The following MYO16 variants were observed in gnomAD, a reference collection of about 807,000 sequenced individuals.
MYO16 encodes the protein unconventional myosin-XVI.
A neutral mutation model predicts 205.3 loss-of-function variants in MYO16; 94 were observed. The ratio of observed to expected loss-of-function variants is 0.46; its 90% CI spans 0.39 to 0.54. The LOEUF is 0.54. Ranked by LOEUF, MYO16 falls within the 20% of genes least tolerant of loss-of-function variation. The pLI, the probability that MYO16 is intolerant of heterozygous loss-of-function variation, is 0.00. For synonymous variants in MYO16, 988 were observed against 954.0 expected (o/e 1.04, Z -0.66); for missense variants, 2,315 against 2,387.5 (o/e 0.97, Z 0.63).
intron 1 of MYO16, among the ~76,000 whole-genome samples, chr13:108,604,898 G>T (rs897878855): frequency 2.6e-5 from 4 of 152,154 alleles, no homozygotes; most frequent in Admixed American, 6.5e-5. Context: ...TAAATGGCTG[G>T]ATGCATAGTT....
chr13:108,903,355 A>T (rs1030008274), intron 15 of MYO16, among the ~76,000 whole-genome samples: 3 of 144,958 alleles, frequency 2.1e-5, no homozygotes, highest in South Asian at 2.3e-4. Flanking sequence ...TAGGAAAAAC[A>T]TCATGTATAC....
intron 23 of MYO16, among the ~76,000 whole-genome samples, chr13:109,030,494 A>G (rs1886514518): frequency 6.6e-6 from 1 of 152,224 alleles, no homozygotes; most frequent in African/African-American, 2.4e-5. Context: ...GGTTTAATTA[A>G]AAATTTAATT....
At chr13:109,192,008 G>T (rs552117195) in intron 34 of MYO16, among the ~76,000 whole-genome samples, 2 of 152,148 alleles carry the variant, frequency 1.3e-5, no homozygotes, top group South Asian at 2.1e-4. Flanking sequence ...TTTTGAAAGC[G>T]AAATTCAGGC....
intron 2 of MYO16, among the ~76,000 whole-genome samples, chr13:108,693,495 C>A (rs965114659): frequency 6.6e-6 from 1 of 152,124 alleles, no homozygotes; most frequent in Admixed American, 6.5e-5. Context: ...CATATATAAC[C>A]TTTGTATCTG....
intron 1 of MYO16, among the ~76,000 whole-genome samples, chr13:108,647,320 A>G (rs1319618248): frequency 2.0e-5 from 3 of 152,062 alleles, no homozygotes; most frequent in Non-Finnish European, 4.4e-5. Context: ...GCTCCCTACC[A>G]TGTCTCTCTA....
chr13:108,823,824 A>G (rs548867910), intron 9 of MYO16, among the ~76,000 whole-genome samples: 1 of 152,258 alleles, frequency 6.6e-6, no homozygotes, highest in Non-Finnish European at 1.5e-5. Context: ...ACTGAAGAAT[A>G]AGTGTTCATT....
intron 1 of MYO16, among the ~76,000 whole-genome samples, chr13:108,655,564 T>C (rs1443547348): frequency 6.6e-6 from 1 of 152,104 alleles, no homozygotes; most frequent in African/African-American, 2.4e-5. Flanking sequence ...AGTGGAGCTT[T>C]GGGAAGAGAG....
chr13:108,655,355 C>T (rs1881195740), intron 1 of MYO16, among the ~76,000 whole-genome samples: 1 of 152,186 alleles, frequency 6.6e-6, no homozygotes, highest in South Asian at 2.1e-4. Context: ...TGGCAGCTTC[C>T]ACATGATGTT....
At chr13:109,089,273 G>A (rs1203919229) in intron 27 of MYO16, among the ~76,000 whole-genome samples, 1 of 151,806 alleles carries the variant, frequency 6.6e-6, no homozygotes, top group African/African-American at 2.4e-5. Context: ...GAGTGCAGTG[G>A]CATGATCTTG....
chr13:109,014,230 T>C (rs1273054450), intron 22 of MYO16, among the ~76,000 whole-genome samples: 1 of 152,202 alleles, frequency 6.6e-6, no homozygotes, highest in African/African-American at 2.4e-5. Flanking sequence ...GGGAATCCTT[T>C]CCCCATTTCT....
intron 27 of MYO16, among the ~76,000 whole-genome samples, chr13:109,067,791 G>A (rs1412755431): frequency 6.6e-6 from 1 of 152,134 alleles, no homozygotes; most frequent in Non-Finnish European, 1.5e-5. Context: ...CGTGGCGTAA[G>A]GCAGCTGGGT....
intron 27 of MYO16, among the ~76,000 whole-genome samples, chr13:109,059,683 C>A (rs1304646132): frequency 6.6e-6 from 1 of 152,062 alleles, no homozygotes; most frequent in African/African-American, 2.4e-5. Flanking sequence ...GGATGGATTG[C>A]AAAAATTTTG....
rs1029861825 is a variant in MYO16, at chr13:109,162,520, ACC to A, written c.5165-2379_5165-2378del. On this transcript the variant is annotated intron_variant, in intron 32 of 34. Transcript: ENST00000457511. This position sits in a 1 kb window ranked among gnomAD's most constrained non-coding sequence, Gnocchi z 4.6. ...GCTGAAATGCAACCTCATGGACCTC[ACC>A]CACCTTGCCTGGCTGCCCACCAGTG... Among the ~76,000 whole-genome samples the A allele has an allele frequency of 1.3e-5, 2 of 152,116 alleles. No homozygotes were observed. The highest frequency in any genetic ancestry group is 4.8e-5 in the African/African-American group (2 of 41,406).
At position 109,162,838 on chromosome 13, in the gene MYO16, A is replaced by T. The variant is rs1299351408; in HGVS notation, c.5165-2063A>T. Among the ~76,000 whole-genome samples, 1 of 152,152 alleles carries T rather than the reference A, an allele frequency of 6.6e-6. No individual in the cohort carries two copies. Among genetic ancestry groups the T allele is most frequent in the Non-Finnish European group, 1.5e-5 (1 of 68,036 alleles). On this transcript the variant is annotated intron_variant, in intron 32 of 34. Transcript: ENST00000457511. The surrounding 1 kb of genome is among the most constrained non-coding windows in gnomAD (Gnocchi z 4.6). ...CAGAACCTGTTTTACTGGCATTCGG[A>T]AGCTTAACAGAAATAAAAAAAAGCC...
At chr13:109,151,394 A>G (rs1566535429) in intron 32 of MYO16, among the ~76,000 whole-genome samples, 2 of 152,214 alleles carry the variant, frequency 1.3e-5, no homozygotes, top group Admixed American at 6.5e-5. Context: ...ATGACAATAA[A>G]CAATATGATT....
chr13:108,564,320 G>A, the MYO16 span, among the ~76,000 whole-genome samples: 9 of 151,838 alleles, frequency 5.9e-5, no homozygotes, highest in South Asian at 2.1e-4. Context: ...AAAGGCGTCC[G>A]CCACCATACC....
At chr13:108,907,066 A>G (rs1881015507) in intron 15 of MYO16, among the ~76,000 whole-genome samples, 1 of 152,180 alleles carries the variant, frequency 6.6e-6, no homozygotes, top group African/African-American at 2.4e-5. Flanking sequence ...AACAGGCCCT[A>G]AGTGGTCGTG....
chr13:109,162,762 A>G lies in MYO16; in HGVS notation c.5165-2139A>G, dbSNP rs1687770103. On this transcript the variant is annotated intron_variant, in intron 32 of 34. Transcript: ENST00000457511. This position sits in a 1 kb window ranked among gnomAD's most constrained non-coding sequence, Gnocchi z 4.6. ...GAATTAAAGAGTGCAAAAATAAAAT[A>G]GGTGAAAGCAACATAAAAGCAGGTG... is the stretch of plus-strand genomic sequence containing the variant. 2.6e-5 allele frequency among the ~76,000 whole-genome samples: 4 copies of G among 152,150 alleles called. No individual in the cohort carries two copies. The highest frequency in any genetic ancestry group is 7.2e-5 in the African/African-American group (3 of 41,444).
chr13:108,610,078 C>T (rs1017769760), intron 1 of MYO16, among the ~76,000 whole-genome samples: 1 of 152,170 alleles, frequency 6.6e-6, no homozygotes, highest in Non-Finnish European at 1.5e-5. Context: ...CTGAGTGTTA[C>T]ACCTGAAACG....
Sources: gnomAD v4.1 joint callset for allele counts (sites outside exome capture counted in the v4.1 genomes callset) on GRCh38, gnomAD v4.1.1 for gene constraint, Gnocchi (gnomAD v3.1) non-coding constraint, MANE v1.5 for transcripts, NCBI Gene and HGNC (gene_info 2026-07-23, HGNC 2026-07-21) for gene names.